The following AK2 variants were observed in gnomAD, a reference collection of about 807,000 sequenced individuals.
The protein encoded by AK2 is adenylate kinase 2, also known as adenylate kinase 2, mitochondrial.
In AK2, 15 loss-of-function variants were observed where a neutral mutation model predicts 24.6. The observed-to-expected ratio is 0.61, with a 90% CI of 0.41 to 0.94. The LOEUF (loss-of-function observed/expected upper bound fraction) is 0.94, where lower values mean the gene tolerates loss of function less well. Among genes scored for constraint, AK2 ranks in the 40% least tolerant of loss-of-function variants. The pLI is 0.00. For synonymous variants in AK2, 102 were observed against 114.0 expected (o/e 0.90, Z 0.67); for missense variants, 257 against 304.1 (o/e 0.85, Z 1.15).
At chr1:33,016,874 T>G (rs1244659083) in intron 4 of AK2, among the ~76,000 whole-genome samples, 1 of 151,520 alleles carries the variant, frequency 6.6e-6, no homozygotes, top group East Asian at 1.9e-4. Context: ...CCCGGCTAAT[T>G]TTTTGTATTT....
intron 1 of AK2, chr1:33,031,491 T>C: frequency 2.3e-6 from 1 of 432,552 alleles, no homozygotes; most frequent in South Asian, 1.6e-5. Context: ...TGGGTGACTA[T>C]GTTGTAATTA....
At chr1:33,028,642 A>G (rs967621664) in intron 1 of AK2, among the ~76,000 whole-genome samples, 25 of 152,206 alleles carry the variant, frequency 1.6e-4, no homozygotes, top group African/African-American at 4.8e-4. Flanking sequence ...GCCCACACTC[A>G]GTCATAGTCT....
chr1:33,034,473 C>A (rs1640450539), intron 1 of AK2, among the ~76,000 whole-genome samples: 1 of 151,032 alleles, frequency 6.6e-6, no homozygotes, highest in African/African-American at 2.5e-5. Context: ...CACACACACA[C>A]ACACACACAC....
rs938903801 is a variant in AK2, at chr1:33,008,213, T to C, written c.*4968A>G. On this transcript the variant is annotated 3_prime_UTR_variant, in exon 6 of 6. Transcript: ENST00000672715. ...AGTCCAACCCACATGAGTATCTTGG[T>C]CACTAGTGTCATCAGCACCTTTGAG... 5 of 454,144 alleles carry C rather than the reference T, an allele frequency of 1.1e-5. No homozygotes were observed. Among genetic ancestry groups the C allele is most frequent in the African/African-American group, 1.0e-4 (5 of 50,002 alleles). The allele number at this position is 454,144 out of a possible 1,614,324, so 28.1% of individuals were successfully genotyped here. A position where few individuals can be genotyped will look rare whatever the true frequency, so the allele number is the denominator to read the frequency against.
intron 1 of AK2, among the ~76,000 whole-genome samples, chr1:33,033,443 C>T (rs1230239542): frequency 1.3e-5 from 2 of 152,066 alleles, no homozygotes; most frequent in Non-Finnish European, 2.9e-5. Flanking sequence ...ACTGAGGCTG[C>T]CGTGAGCTAT....
At chr1:33,035,912 G>C (rs1420049689) in intron 1 of AK2, among the ~76,000 whole-genome samples, 3 of 151,762 alleles carry the variant, frequency 2.0e-5, no homozygotes, top group Non-Finnish European at 4.4e-5. Flanking sequence ...AATAAAAAAA[G>C]GAAAAAATAA....
rs1286405313 is a variant in AK2 at position 33,008,632 on chromosome 1, C to T, written c.*4549G>A. ...GAGACTGTGTTTCAGTCCTGACTGC[C>T]TCTTATGCATGACCTCAGGAATGCC... On this transcript the variant is annotated 3_prime_UTR_variant, in exon 6 of 6. Transcript: ENST00000672715. The T allele has an allele frequency of 2.2e-6, 1 of 454,104 alleles. No homozygotes were observed. Among genetic ancestry groups the T allele is most frequent in the Non-Finnish European group, 4.4e-6 (1 of 226,796 alleles). The allele number at this position is 454,104 out of a possible 1,614,324, so 28.1% of individuals were successfully genotyped here.
intron 4 of AK2, chr1:33,019,756 T>C: frequency 9.5e-7 from 1 of 1,049,948 alleles, no homozygotes; most frequent in Non-Finnish European, 1.1e-6. Flanking sequence ...TTTTCCCTAA[T>C]CCAAAAATTT....
chr1:33,022,211 C>T (rs1049900887), intron 2 of AK2, among the ~76,000 whole-genome samples: 2 of 152,078 alleles, frequency 1.3e-5, no homozygotes, highest in East Asian at 3.8e-4. Flanking sequence ...TGTCATTAGG[C>T]TAACAGTAAC....
At position 33,010,660 on chromosome 1, in the gene AK2, G is replaced by A; in HGVS notation, c.*2521C>T. ...CTCTCACCTATGTATAAAAGAAACT[G>A]CCACACTACAATAACACTGCTGTTG... On this transcript the variant is annotated 3_prime_UTR_variant, in exon 6 of 6. Coordinates refer to ENST00000672715, the MANE Select transcript of AK2 (RefSeq NM_001625.4). The A allele has an allele frequency of 1.3e-6, 2 of 1,559,670 alleles. No individual in the cohort carries two copies. Among genetic ancestry groups the A allele is most frequent in the East Asian group, 4.6e-5 (2 of 43,034 alleles).
At position 33,032,152 on chromosome 1, in the gene AK2, T is replaced by C. The variant is rs911565508; in HGVS notation, c.93+4584A>G. On this transcript the variant is annotated intron_variant, in intron 1 of 5. Coordinates refer to ENST00000672715, the MANE Select transcript of AK2 (RefSeq NM_001625.4). ...CTAACCCCAGGTTAGGGATTTTACA[T>C]GTAAGATTGCAAACATCTGCCAGTG... 8.0e-5 allele frequency: 13 copies of C among 161,500 alleles called. No homozygotes were observed. In the South Asian group the frequency reaches 1.9e-3, roughly 23 times the overall value. 10.0% of individuals were successfully genotyped at this position (161,500 alleles called of 1,614,324 possible).
intron 2 of AK2, among the ~76,000 whole-genome samples, chr1:33,023,799 C>T (rs1026542502): frequency 6.6e-6 from 1 of 152,170 alleles, no homozygotes; most frequent in Non-Finnish European, 1.5e-5. Context: ...TAACAAAACA[C>T]ACCAGCACAG....
chr1:33,022,632 C>T (rs1291775492), intron 2 of AK2, among the ~76,000 whole-genome samples: 2 of 152,118 alleles, frequency 1.3e-5, no homozygotes, highest in African/African-American at 2.4e-5. Flanking sequence ...GTTAGTATTA[C>T]AGGAGTGAGC....
chr1:33,008,123 T>C lies in AK2; in HGVS notation c.*5058A>G. ...CCGGATGGTCAGTAAGACAACTTTC[T>C]TCAATGCCTACATTTTCCCTCTGAA... On this transcript the variant is annotated 3_prime_UTR_variant, in exon 6 of 6. Coordinates refer to ENST00000672715, the MANE Select transcript of AK2 (RefSeq NM_001625.4). 1 of 454,158 alleles carries C rather than the reference T, an allele frequency of 2.2e-6. No homozygotes were observed. Among genetic ancestry groups the C allele is most frequent in the Non-Finnish European group, 4.4e-6 (1 of 226,818 alleles). The allele number at this position is 454,158 out of a possible 1,614,324, so 28.1% of individuals were successfully genotyped here.
rs138577419 is a variant in AK2 at position 33,036,780 on chromosome 1, G to T, written c.49C>A (p.Arg17=). The T allele has an allele frequency of 2.5e-6, 4 of 1,599,826 alleles. No homozygotes were observed. The Admixed American group carries it at 6.8e-5, about 27-fold the overall frequency. ...CCGGGAGGCCCCAGCAGCACGGCCCGGATGCCTTTAGGATACTCGGGTTCT... is the reference window on the plus strand; with the variant it reads ...CCGGGAGGCCCCAGCAGCACGGCCCTGATGCCTTTAGGATACTCGGGTTCT... ...AAEPEYPKGI[R]AVLLGPPGAG... Residue 17 remains arginine, a synonymous_variant, in exon 1 of 6, where the codon CGG becomes AGG. Transcript: ENST00000672715.
chr1:33,011,333 C>T lies in AK2; in HGVS notation c.*1848G>A. The T allele has an allele frequency of 1.6e-6, 2 of 1,288,372 alleles. No individual in the cohort carries two copies. The highest frequency in any genetic ancestry group is 2.0e-6 in the Non-Finnish European group (2 of 989,524). 79.8% of individuals were successfully genotyped at this position (1,288,372 alleles called of 1,614,324 possible). A position where few individuals can be genotyped will look rare whatever the true frequency, so the allele number is the denominator to read the frequency against. ...TTCACTCCTCTTCCTTGCCCATTCCCAGAAGTCATGTGCTTCCCAGAAACA... is the reference window on the plus strand; with the variant it reads ...TTCACTCCTCTTCCTTGCCCATTCCTAGAAGTCATGTGCTTCCCAGAAACA... On this transcript the variant is annotated 3_prime_UTR_variant, in exon 6 of 6. Coordinates refer to ENST00000672715, the MANE Select transcript of AK2 (RefSeq NM_001625.4).
At chr1:33,022,069 A>G (rs908467500) in intron 2 of AK2, among the ~76,000 whole-genome samples, 1 of 152,178 alleles carries the variant, frequency 6.6e-6, no homozygotes, top group African/African-American at 2.4e-5. Context: ...GTCAGATAAC[A>G]GCTTATCAGC....
rs1569732521 is a variant in AK2, at chr1:33,031,573, A to G, written c.93+5163T>C. On this transcript the variant is annotated intron_variant, in intron 1 of 5. Transcript: ENST00000672715. ...GGCAGTAGATAGCAGCAGAAAGAGC[A>G]GGAGCTTTGGAGTCATTCAGATGCA... 1.3e-5 allele frequency: 6 copies of G among 456,072 alleles called. No individual in the cohort carries two copies. In the East Asian group the frequency reaches 3.5e-4, roughly 26 times the overall value. 28.3% of individuals were successfully genotyped at this position (456,072 alleles called of 1,614,324 possible).
chr1:33,032,219 G>GT, intron 1 of AK2: 1 of 157,432 alleles, frequency 6.4e-6, no homozygotes, highest in Admixed American at 6.3e-5. Context: ...TGAGTCAAAT[G>GT]TAAGCAATGG....
Sources: gnomAD v4.1 joint callset for allele counts (sites outside exome capture counted in the v4.1 genomes callset) on GRCh38, gnomAD v4.1.1 for gene constraint, MANE v1.5 for transcripts, NCBI Gene and HGNC (gene_info 2026-07-23, HGNC 2026-07-21) for gene names.